Variants in ZC3H12B observed in about 807,000 individuals in gnomAD.
ZC3H12B encodes the protein zinc finger CCCH-type containing 12B, also known as probable ribonuclease ZC3H12B.
Under a neutral mutation model 43.9 loss-of-function variants are expected in ZC3H12B, and 7 were observed. The ratio of observed to expected loss-of-function variants is 0.16; its 90% CI spans 0.09 to 0.30. The LOEUF (loss-of-function observed/expected upper bound fraction) is 0.30, where lower values mean the gene tolerates loss of function less well. ZC3H12B is among the 10% of genes least tolerant of loss of function. The pLI is 1.00. For synonymous variants in ZC3H12B, 222 were observed against 241.7 expected (o/e 0.92, Z 0.76); for missense variants, 475 against 670.2 (o/e 0.71, Z 3.22).
At chrX:65,448,811 C>A (rs1439302284) in intron 3 of ZC3H12B, among the ~76,000 whole-genome samples, 3 of 90,090 alleles carry the variant, frequency 3.3e-5, no homozygotes, top group African/African-American at 4.5e-5. Flanking sequence ...GAATGATACT[C>A]CAAAAAAAGA....
the ZC3H12B span, among the ~76,000 whole-genome samples, chrX:65,321,918 G>A: frequency 9.1e-6 from 1 of 110,298 alleles, no homozygotes; most frequent in Admixed American, 9.7e-5. Flanking sequence ...GAAGGAGAGA[G>A]GTGAAAGATT....
chrX:65,105,901 G>A, the ZC3H12B span, among the ~76,000 whole-genome samples: 5 of 111,617 alleles, frequency 4.5e-5, no homozygotes, highest in Admixed American at 4.8e-4. Flanking sequence ...ACCATTTACT[G>A]GATGAGTCTG....
chrX:65,102,295 G>C, the ZC3H12B span, among the ~76,000 whole-genome samples: 6 of 111,737 alleles, frequency 5.4e-5, no homozygotes, highest in South Asian at 2.3e-3. Flanking sequence ...ATGGGCAAAG[G>C]CTGGAAGCAT....
the ZC3H12B span, among the ~76,000 whole-genome samples, chrX:65,308,442 C>A: frequency 9.0e-6 from 1 of 111,556 alleles, no homozygotes; most frequent in South Asian, 3.7e-4. Flanking sequence ...AGCTAACTAT[C>A]CTAAGTATAT....
chrX:65,326,352 C>T, the ZC3H12B span, among the ~76,000 whole-genome samples: 2 of 110,754 alleles, frequency 1.8e-5, no homozygotes, highest in Non-Finnish European at 3.8e-5. Context: ...AGAAATTGGC[C>T]AAAAACATGG....
chrX:65,344,297 A>G, the ZC3H12B span, among the ~76,000 whole-genome samples: 2 of 112,244 alleles, frequency 1.8e-5, no homozygotes, highest in African/African-American at 6.4e-5. Context: ...ATCAAACTGC[A>G]ATGACATTCT....
At chrX:65,048,514 A>G in the ZC3H12B span, among the ~76,000 whole-genome samples, 2 of 111,726 alleles carry the variant, frequency 1.8e-5, no homozygotes, top group Non-Finnish European at 3.8e-5. Flanking sequence ...TGGCTACACC[A>G]TTATATAGTC....
chrX:65,060,754 C>A, the ZC3H12B span, among the ~76,000 whole-genome samples: 1 of 112,229 alleles, frequency 8.9e-6, no homozygotes, highest in East Asian at 2.8e-4. Flanking sequence ...ATGCAGCCAA[C>A]AAACATATGA....
chrX:65,120,070 T>G, the ZC3H12B span, among the ~76,000 whole-genome samples: 1 of 112,032 alleles, frequency 8.9e-6, no homozygotes, highest in Non-Finnish European at 1.9e-5. Context: ...TAGTTTGAAG[T>G]CAGGTAGCGT....
At chrX:65,282,753 C>T in the ZC3H12B span, among the ~76,000 whole-genome samples, 1 of 111,631 alleles carries the variant, frequency 9.0e-6, no homozygotes, top group South Asian at 3.7e-4. Context: ...GACACCTACA[C>T]CCTCCCAAGA....
the ZC3H12B span, among the ~76,000 whole-genome samples, chrX:65,285,103 G>GAGA: frequency 9.4e-6 from 1 of 105,927 alleles, no homozygotes; most frequent in African/African-American, 3.8e-5. Context: ...AGTCTAGCAA[G>GAGA]AGAATAATTA....
the ZC3H12B span, among the ~76,000 whole-genome samples, chrX:65,169,415 C>A: frequency 2.7e-5 from 3 of 111,808 alleles, no homozygotes; most frequent in Non-Finnish European, 5.6e-5. Flanking sequence ...GTTATAATTT[C>A]TGTTATTTTA....
At chrX:65,321,132 G>T in the ZC3H12B span, among the ~76,000 whole-genome samples, 1 of 111,279 alleles carries the variant, frequency 9.0e-6, no homozygotes, top group African/African-American at 3.3e-5. Flanking sequence ...GAAAATTTTT[G>T]CATGTTATGC....
chrX:65,488,092 C>T (rs1044623992), upstream of ZC3H12B, among the ~76,000 whole-genome samples: 1 of 110,484 alleles, frequency 9.1e-6, no homozygotes, highest in African/African-American at 3.3e-5. Flanking sequence ...AGGATGGTCT[C>T]GATCTCCTGA....
At chrX:65,409,262 A>C (rs1824700676) in intron 3 of ZC3H12B, among the ~76,000 whole-genome samples, 1 of 111,205 alleles carries the variant, frequency 9.0e-6, no homozygotes, top group African/African-American at 3.3e-5. Flanking sequence ...TGACTTATAT[A>C]AATGAAAGCC....
intron 3 of ZC3H12B, among the ~76,000 whole-genome samples, chrX:65,479,990 C>T (rs932235841): frequency 1.8e-5 from 2 of 112,209 alleles, no homozygotes; most frequent in African/African-American, 6.5e-5. Context: ...TGGCCTATGC[C>T]CTATGGAGAT....
the ZC3H12B span, among the ~76,000 whole-genome samples, chrX:65,202,500 G>A: frequency 6.5e-4 from 72 of 109,970 alleles, no homozygotes; most frequent in African/African-American, 2.3e-3. Context: ...TACAGCCTTG[G>A]TGGTCTTGGA....
chrX:65,290,325 C>G, the ZC3H12B span, among the ~76,000 whole-genome samples: 4 of 109,442 alleles, frequency 3.7e-5, no homozygotes, highest in Admixed American at 1.9e-4. Context: ...AAACACAAAA[C>G]AAAAACAAAA....
chrX:65,148,268 T>A, the ZC3H12B span, among the ~76,000 whole-genome samples: 1 of 111,579 alleles, frequency 9.0e-6, no homozygotes, highest in African/African-American at 3.3e-5. Flanking sequence ...TGGACGGGCC[T>A]GGAGCCTGGG....
Sources: gnomAD v4.1 joint callset for allele counts (sites outside exome capture counted in the v4.1 genomes callset) on GRCh38, gnomAD v4.1.1 for gene constraint, MANE v1.5 for transcripts, NCBI Gene and HGNC (gene_info 2026-07-23, HGNC 2026-07-21) for gene names.